The following RTN4 variants were observed in gnomAD, a reference collection of about 807,000 sequenced individuals.
RTN4 encodes reticulon 4, also known as reticulon-4.
Under a neutral mutation model 90.4 loss-of-function variants are expected in RTN4, and 32 were observed. The ratio of observed to expected loss-of-function variants is 0.35; its 90% CI spans 0.27 to 0.48. The LOEUF (loss-of-function observed/expected upper bound fraction) is 0.48, where lower values mean the gene tolerates loss of function less well. Among genes scored for constraint, RTN4 ranks in the 20% least tolerant of loss-of-function variants. The probability of loss-of-function intolerance (pLI) is 0.99; values close to 1 mark genes in which losing one functional copy is unlikely to be tolerated. For synonymous variants in RTN4, 629 were observed against 552.5 expected, an observed-to-expected ratio of 1.14 and a Z score of -1.94; for missense variants, 1,706 against 1,430.2, an observed-to-expected ratio of 1.19 and a Z score of -3.11.
At chr2:54,991,289 T>G (rs1678995025) in intron 3 of RTN4, among the ~76,000 whole-genome samples, 1 of 152,200 alleles carries the variant, frequency 6.6e-6, no homozygotes, top group South Asian at 2.1e-4. Context: ...GTTTGCACTG[T>G]ACAACATAAA....
intron 2 of RTN4, among the ~76,000 whole-genome samples, chr2:55,059,830 T>C (rs1668257432): frequency 6.6e-6 from 1 of 151,770 alleles, no homozygotes; most frequent in African/African-American, 2.4e-5. Context: ...TGAGACTCTG[T>C]CTCAAAAAAG....
chr2:54,976,646 G>A (rs1014273264), intron 5 of RTN4, among the ~76,000 whole-genome samples: 1 of 152,196 alleles, frequency 6.6e-6, no homozygotes, highest in African/African-American at 2.4e-5. Context: ...GTGGTTAAGT[G>A]TATTCAGGGA....
chr2:55,100,722 T>C (rs1377981044), intron 1 of RTN4, among the ~76,000 whole-genome samples: 2 of 152,184 alleles, frequency 1.3e-5, no homozygotes, highest in South Asian at 2.1e-4. Flanking sequence ...ATTACTGACA[T>C]ATAATTGTGC....
rs1476427924 is a variant in RTN4, at chr2:54,972,424, T to A, written c.*732A>T. 1 of 152,580 alleles carries A rather than the reference T, an allele frequency of 6.6e-6. No individual in the cohort carries two copies. The highest frequency in any genetic ancestry group is 2.4e-5 in the African/African-American group (1 of 41,450). 9.5% of individuals were successfully genotyped at this position (152,580 alleles called of 1,614,324 possible). ...GTCAGTCTGTGCAATGAAATTGATG[T>A]TGGAGTTCTATGTGTGTGGCATTTC... On this transcript the variant is annotated 3_prime_UTR_variant, in exon 9 of 9. Transcript: ENST00000337526.
In RTN4 at chr2:55,068,680, G is replaced by A. The variant is rs1299399774; in HGVS notation, c.-63+11809C>T. On this transcript the variant is annotated intron_variant, in intron 2 of 3. Transcript: ENST00000427710. ...AAAATGGTGCTCTACAAAAAAAAAG[G>A]GGGGGGGGTGGGGGCTAGTTTGGCT... Among the ~76,000 whole-genome samples the A allele has an allele frequency of 1.5e-3, 181 of 122,928 alleles. 1 individual carries two copies. Among genetic ancestry groups the A allele is most frequent in the African/African-American group, 4.6e-3 (156 of 33,978 alleles). 80.6% of individuals were successfully genotyped at this position (122,928 alleles called of 152,430 possible).
intron 3 of RTN4, among the ~76,000 whole-genome samples, chr2:55,018,381 C>G (rs954459712): frequency 2.6e-5 from 4 of 152,014 alleles, no homozygotes; most frequent in African/African-American, 9.7e-5. Flanking sequence ...AATATCATAG[C>G]CATTAGTCAG....
chr2:55,096,297 G>T lies in RTN4; in HGVS notation c.-213-15658C>A, dbSNP rs138101559. ...GCCAATATCACACCATTGCACTCCAGCCTGGGCAACAAGAGCAAAACTCTG... is the reference window on the plus strand; with the variant it reads ...GCCAATATCACACCATTGCACTCCATCCTGGGCAACAAGAGCAAAACTCTG... On this transcript the variant is annotated intron_variant, in intron 1 of 3. Coordinates refer to the RTN4 transcript ENST00000427710. Among the ~76,000 whole-genome samples, 701 of 151,754 alleles carry T rather than the reference G, an allele frequency of 4.6e-3. 4 individuals carry two copies. The highest frequency in any genetic ancestry group is 5.2e-3 in the Admixed American group (79 of 15,238).
chr2:55,102,653 G>T (rs1667872069), intron 1 of RTN4, among the ~76,000 whole-genome samples: 1 of 152,086 alleles, frequency 6.6e-6, no homozygotes, highest in African/African-American at 2.4e-5. Context: ...CCAGTGCATG[G>T]TGCTTGGGAT....
chr2:55,019,404 C>T (rs1407462545), intron 3 of RTN4, among the ~76,000 whole-genome samples: 5 of 152,122 alleles, frequency 3.3e-5, no homozygotes, highest in African/African-American at 1.2e-4. Flanking sequence ...CCTCAGACTG[C>T]TTATCATCTG....
At chr2:55,136,440 T>C in the RTN4 span, among the ~76,000 whole-genome samples, 1 of 152,264 alleles carries the variant, frequency 6.6e-6, no homozygotes. Context: ...ACAGCATACT[T>C]GGACTCAAGT....
chr2:55,066,169 TTGTG>T (rs71410416), intron 2 of RTN4, among the ~76,000 whole-genome samples: 14 of 142,278 alleles, frequency 9.8e-5, no homozygotes, highest in Non-Finnish European at 1.7e-4. Flanking sequence ...ATGAACCCAT[TTGTG>T]TGTGTGTGTG....
chr2:55,128,546 G>A, the RTN4 span, among the ~76,000 whole-genome samples: 1 of 152,062 alleles, frequency 6.6e-6, no homozygotes, highest in Non-Finnish European at 1.5e-5. Context: ...CCAACTCACT[G>A]CAACCTAAAA....
At chr2:55,000,214 A>G (rs1679755158) in intron 3 of RTN4, among the ~76,000 whole-genome samples, 1 of 152,134 alleles carries the variant, frequency 6.6e-6, no homozygotes, top group South Asian at 2.1e-4. Flanking sequence ...GTATATGTAA[A>G]GAGGTTTCAA....
intron 1 of RTN4, among the ~76,000 whole-genome samples, chr2:55,082,967 G>C (rs1017033586): frequency 6.6e-6 from 1 of 152,088 alleles, no homozygotes; most frequent in Non-Finnish European, 1.5e-5. Flanking sequence ...AAAAGAAGTA[G>C]CATTTCTGAG....
At chr2:54,985,835 C>G (rs1229876364) in intron 4 of RTN4, among the ~76,000 whole-genome samples, 1 of 152,184 alleles carries the variant, frequency 6.6e-6, no homozygotes, top group Non-Finnish European at 1.5e-5. Context: ...CAGATATTAC[C>G]TTGCCACAAA....
intron 4 of RTN4, among the ~76,000 whole-genome samples, chr2:54,983,014 T>C (rs998983916): frequency 2.0e-5 from 3 of 151,848 alleles, no homozygotes; most frequent in African/African-American, 7.2e-5. Flanking sequence ...AAGTGCCTAA[T>C]GCAACTGAGC....
At chr2:55,088,186 G>A (rs752818816) in intron 1 of RTN4, among the ~76,000 whole-genome samples, 14 of 152,196 alleles carry the variant, frequency 9.2e-5, no homozygotes, top group East Asian at 1.9e-4. Context: ...GGATGGCAGA[G>A]ACAAATTCTA....
At chr2:55,088,628 C>T (rs1415762101) in intron 1 of RTN4, among the ~76,000 whole-genome samples, 1 of 152,202 alleles carries the variant, frequency 6.6e-6, no homozygotes, top group Admixed American at 6.5e-5. Flanking sequence ...AAATATTCTG[C>T]CACTTGGCAC....
At position 55,025,927 on chromosome 2, in the gene RTN4, A is replaced by C; in HGVS notation, c.2172T>G (p.Val724=). ...DFSDYSEMAK[V]EQPVPDHSEL... is the part of the protein sequence containing the mutation. ...CAGAATGATCAGGCACTGGCTGTTC[A>C]ACTTTTGCCATTTCTGAATAATCAG... The change falls in exon 3 of 9, where the codon GTT becomes GTG. Residue 724 remains valine (V), a synonymous_variant. Transcript: ENST00000337526. 1 of 1,612,914 alleles carries C rather than the reference A, an allele frequency of 6.2e-7. No individual in the cohort carries two copies.
Sources: gnomAD v4.1 joint callset for allele counts (sites outside exome capture counted in the v4.1 genomes callset) on GRCh38, gnomAD v4.1.1 for gene constraint, MANE v1.5 for transcripts, NCBI Gene and HGNC (gene_info 2026-07-23, HGNC 2026-07-21) for gene names.